FAF1: variants seen among roughly 807,000 people sequenced by gnomAD.
FAF1 encodes Fas associated factor 1.
A neutral mutation model predicts 92.5 loss-of-function variants in FAF1; 25 were observed. That is an observed-to-expected ratio of 0.27 (90% CI 0.20 to 0.38). FAF1 has a LOEUF of 0.38. Ranked by LOEUF, FAF1 falls within the 10% of genes least tolerant of loss-of-function variation. FAF1 has a pLI of 1.00. For synonymous variants in FAF1, 234 were observed against 273.2 expected, an observed-to-expected ratio of 0.86 and a Z score of 1.42; for missense variants, 636 against 793.3, an observed-to-expected ratio of 0.80 and a Z score of 2.38.
intron 2 of FAF1, among the ~76,000 whole-genome samples, chr1:50,833,946 C>T (rs1038359569): frequency 6.6e-6 from 1 of 152,216 alleles, no homozygotes; most frequent in Non-Finnish European, 1.5e-5. Flanking sequence ...TCTCTGCATT[C>T]ATCTGGTTTA....
intron 1 of FAF1, among the ~76,000 whole-genome samples, chr1:50,897,863 T>C (rs1039444939): frequency 3.3e-5 from 5 of 152,164 alleles, no homozygotes; most frequent in Non-Finnish European, 7.4e-5. Context: ...GAGTTTCTGC[T>C]TGCAGTCTTA....
At chr1:50,831,909 T>C (rs938510781) in intron 2 of FAF1, among the ~76,000 whole-genome samples, 1 of 151,570 alleles carries the variant, frequency 6.6e-6, no homozygotes, top group African/African-American at 2.4e-5. Flanking sequence ...GCTCCGCCTC[T>C]CGTCAGATGA....
At chr1:50,836,951 C>CTTTTTTTTTTT (rs528322924) in intron 2 of FAF1, among the ~76,000 whole-genome samples, 3 of 76,692 alleles carry the variant, frequency 3.9e-5, no homozygotes, top group Admixed American at 1.9e-4. Context: ...TGTTATGTTT[C>CTTTTTTTTTTT]TTTTTTTTTT....
chr1:50,882,532 G>A (rs1048554219), intron 1 of FAF1, among the ~76,000 whole-genome samples: 1 of 151,854 alleles, frequency 6.6e-6, no homozygotes, highest in Non-Finnish European at 1.5e-5. Flanking sequence ...AGCCCGAGAG[G>A]CAGAGGTTGT....
chr1:50,931,785 A>T (rs10888711), intron 1 of FAF1, among the ~76,000 whole-genome samples: 84,069 of 151,438 alleles, frequency 0.56, 24,292 homozygotes, highest in East Asian at 0.83. Flanking sequence ...GCTGAAGCAG[A>T]ATGGCGTGAA....
At chr1:50,812,467 G>A (rs1374380976) in intron 2 of FAF1, among the ~76,000 whole-genome samples, 5 of 152,088 alleles carry the variant, frequency 3.3e-5, no homozygotes, top group Non-Finnish European at 7.4e-5. Context: ...GAAAGCATAC[G>A]AAAAAATGCT....
intron 1 of FAF1, among the ~76,000 whole-genome samples, chr1:50,909,786 T>G (rs1570128789): frequency 6.6e-6 from 1 of 152,232 alleles, no homozygotes; most frequent in Non-Finnish European, 1.5e-5. Context: ...CTAATCTTTT[T>G]TCAAGGTTTT....
chr1:50,762,811 A>G lies in FAF1; in HGVS notation c.368-18036T>C, dbSNP rs1249094904. ...CTTCATGTCTAAAACACCAAAAGCA[A>G]TGGCAACAAAAGCCAAAATTGACAA... is the stretch of plus-strand genomic sequence containing the variant. On this transcript the variant is annotated intron_variant, in intron 4 of 18. Transcript: ENST00000396153. Among the ~76,000 whole-genome samples, 8 of 152,262 alleles carry G rather than the reference A, an allele frequency of 5.3e-5. No individual in the cohort carries two copies. In the East Asian group the frequency reaches 5.8e-4, roughly 11 times the overall value.
At chr1:50,873,548 A>G (rs1184599614) in intron 1 of FAF1, among the ~76,000 whole-genome samples, 1 of 152,214 alleles carries the variant, frequency 6.6e-6, no homozygotes, top group Non-Finnish European at 1.5e-5. Context: ...GAACCTGCAG[A>G]TGGCGCCAAA....
intron 4 of FAF1, among the ~76,000 whole-genome samples, chr1:50,783,030 G>GA (rs1241922418): frequency 2.7e-5 from 4 of 150,902 alleles, no homozygotes; most frequent in Non-Finnish European, 4.4e-5. Context: ...TCTAGAGTAA[G>GA]AAAAAAACAG....
At chr1:50,576,633 G>GCCCC in intron 12 of FAF1, among the ~76,000 whole-genome samples, 1 of 131,936 alleles carries the variant, frequency 7.6e-6, no homozygotes, top group South Asian at 2.7e-4. Flanking sequence ...TCTCCGCACC[G>GCCCC]CCCCCCCCCC....
intron 6 of FAF1, among the ~76,000 whole-genome samples, chr1:50,716,232 C>G (rs1658166173): frequency 6.6e-6 from 1 of 152,124 alleles, no homozygotes; most frequent in African/African-American, 2.4e-5. Context: ...TGTCTTGAAC[C>G]AATAATAATC....
chr1:50,667,811 G>A (rs1041096645), intron 7 of FAF1, among the ~76,000 whole-genome samples: 1 of 152,288 alleles, frequency 6.6e-6, no homozygotes, highest in Admixed American at 6.5e-5. Context: ...TGCTTCTACA[G>A]CAAGCTTCAA....
At chr1:50,957,379 T>C (rs1290145507) in intron 1 of FAF1, among the ~76,000 whole-genome samples, 1 of 64,826 alleles carries the variant, frequency 1.5e-5, no homozygotes, top group Non-Finnish European at 3.5e-5. Flanking sequence ...TGAGACAGAG[T>C]CTCGCTCTGT....
chr1:50,467,271 T>A (rs1557957043), intron 18 of FAF1, among the ~76,000 whole-genome samples: 1 of 152,186 alleles, frequency 6.6e-6, no homozygotes, highest in East Asian at 1.9e-4. Context: ...TCAGAGATGA[T>A]GAAATCTTTC....
chr1:50,533,417 CTTTAT>C (rs941456436), intron 15 of FAF1, among the ~76,000 whole-genome samples: 2 of 151,968 alleles, frequency 1.3e-5, no homozygotes, highest in African/African-American at 2.4e-5. Context: ...TTTCAAGTTA[CTTTAT>C]TTTATGTAAA....
chr1:50,833,038 CAATTCTGACATCAACTTTAA>C (rs971590036), intron 2 of FAF1, among the ~76,000 whole-genome samples: 15 of 152,180 alleles, frequency 9.9e-5, no homozygotes, highest in East Asian at 1.9e-4. Context: ...TTACACCAAC[CAATTCTGACATCAACTTTAA>C]AATTCTCCAA....
chr1:50,520,929 C>T (rs1387768886), intron 15 of FAF1, among the ~76,000 whole-genome samples: 2 of 152,124 alleles, frequency 1.3e-5, no homozygotes, highest in African/African-American at 4.8e-5. Context: ...GATCATATAA[C>T]AAATCTTTGC....
chr1:50,757,355 C>G (rs904141238), intron 4 of FAF1, among the ~76,000 whole-genome samples: 2 of 152,176 alleles, frequency 1.3e-5, no homozygotes, highest in Admixed American at 6.5e-5. Flanking sequence ...TTCCTTACTT[C>G]AGTTCTGTCA....
Sources: allele counts gnomAD v4.1 joint callset (sites outside exome capture counted in the v4.1 genomes callset), GRCh38; gene constraint gnomAD v4.1.1; transcripts MANE v1.5; gene names NCBI Gene and HGNC (gene_info 2026-07-23, HGNC 2026-07-21).